The following ASTN2 variants were observed in gnomAD, a reference collection of about 807,000 sequenced individuals.
The protein encoded by ASTN2 is astrotactin-2.
A neutral mutation model predicts 139.8 loss-of-function variants in ASTN2; 54 were observed. The observed-to-expected ratio is 0.39, with a 90% CI of 0.31 to 0.48. ASTN2 has a LOEUF of 0.48. Among genes scored for constraint, ASTN2 ranks in the 20% least tolerant of loss-of-function variants. The pLI, the probability that ASTN2 is intolerant of heterozygous loss-of-function variation, is 0.95. For missense variants in ASTN2, 1,565 were observed against 1,725.1 expected (o/e 0.91, Z 1.64); for synonymous variants, 756 against 719.5 (o/e 1.05, Z -0.81).
intron 4 of ASTN2, among the ~76,000 whole-genome samples, chr9:117,099,102 G>A (rs1372960510): frequency 1.2e-4 from 14 of 118,410 alleles, no homozygotes; most frequent in South Asian, 8.5e-4. Context: ...GCGAGACTCC[G>A]TCTCCAAAAA....
chr9:116,998,680 AC>A (rs1403427462), intron 7 of ASTN2, among the ~76,000 whole-genome samples: 2 of 152,192 alleles, frequency 1.3e-5, no homozygotes, highest in African/African-American at 4.8e-5. Context: ...AAAGACCAAG[AC>A]TTTTATAATG....
In ASTN2 at chr9:116,739,440, A is replaced by T. The variant is rs558385286; in HGVS notation, c.2397-5917T>A. ...CTTTTCTGGGGCATGCTCCCATCCT[A>T]CACAAGGACCCACTTAGAATTTGCC... On this transcript the variant is annotated intron_variant, in intron 13 of 22. Coordinates refer to ENST00000313400, the MANE Select transcript of ASTN2 (RefSeq NM_001365068.1). Among the ~76,000 whole-genome samples the T allele has an allele frequency of 1.1e-4, 17 of 152,112 alleles. No homozygotes were observed. In the South Asian group the frequency reaches 3.5e-3, roughly 32 times the overall value.
At chr9:116,787,705 G>T (rs550459109) in intron 13 of ASTN2, among the ~76,000 whole-genome samples, 11 of 152,116 alleles carry the variant, frequency 7.2e-5, no homozygotes, top group Non-Finnish European at 1.2e-4. Flanking sequence ...TATTGCAATA[G>T]CCTTGAATAA....
intron 10 of ASTN2, among the ~76,000 whole-genome samples, chr9:116,940,477 T>C (rs938431438): frequency 1.3e-5 from 2 of 152,190 alleles, no homozygotes; most frequent in Non-Finnish European, 2.9e-5. Context: ...TTGATGATCC[T>C]GATTCTGTGT....
At chr9:116,878,969 G>A (rs1009587898) in intron 10 of ASTN2, among the ~76,000 whole-genome samples, 2 of 151,876 alleles carry the variant, frequency 1.3e-5, no homozygotes, top group African/African-American at 4.8e-5. Flanking sequence ...CCCTGGTTCA[G>A]GGTGTGCCCT....
chr9:116,989,586 G>GTTTTTT (rs56128640), intron 7 of ASTN2, among the ~76,000 whole-genome samples: 1 of 137,274 alleles, frequency 7.3e-6, no homozygotes, highest in Non-Finnish European at 1.5e-5. Flanking sequence ...TTATATTTGG[G>GTTTTTT]TTTTTTTTTT....
At chr9:117,091,639 G>A (rs1324778774) in intron 5 of ASTN2, among the ~76,000 whole-genome samples, 2 of 152,072 alleles carry the variant, frequency 1.3e-5, no homozygotes, top group African/African-American at 4.8e-5. Flanking sequence ...TGTGAAGGCT[G>A]TGGCAGGACA....
chr9:116,510,305 T>C (rs1016204183), intron 19 of ASTN2, among the ~76,000 whole-genome samples: 8 of 152,168 alleles, frequency 5.3e-5, no homozygotes, highest in Admixed American at 2.0e-4. Flanking sequence ...TTGTCAAAGA[T>C]CAGATGGTTG....
chr9:116,547,923 T>G (rs1317166466), intron 19 of ASTN2, among the ~76,000 whole-genome samples: 1 of 152,086 alleles, frequency 6.6e-6, no homozygotes, highest in Non-Finnish European at 1.5e-5. Flanking sequence ...GCAGGCTGTC[T>G]GAGGCAGCAG....
chr9:117,063,070 C>G (rs1021518948), intron 5 of ASTN2, among the ~76,000 whole-genome samples: 2 of 152,176 alleles, frequency 1.3e-5, no homozygotes, highest in Admixed American at 6.5e-5. Context: ...TTAAGGACAA[C>G]TTTTTCTGGA....
At chr9:116,581,458 C>T (rs1020669916) in intron 19 of ASTN2, among the ~76,000 whole-genome samples, 1 of 152,192 alleles carries the variant, frequency 6.6e-6, no homozygotes, top group African/African-American at 2.4e-5. Flanking sequence ...CAGTTTCAAG[C>T]CCACTTCTCC....
intron 16 of ASTN2, among the ~76,000 whole-genome samples, chr9:116,709,097 T>C (rs2132092521): frequency 6.6e-6 from 1 of 152,336 alleles, no homozygotes; most frequent in Middle Eastern, 3.4e-3. Flanking sequence ...GCCCTCAGCC[T>C]GTGACTCTCC....
intron 2 of ASTN2, among the ~76,000 whole-genome samples, chr9:117,275,102 C>G (rs1834154620): frequency 6.6e-6 from 1 of 152,166 alleles, no homozygotes; most frequent in African/African-American, 2.4e-5. Flanking sequence ...TCAAAGACTG[C>G]CTTTCCTCTA....
chr9:116,698,094 G>A lies in ASTN2; in HGVS notation c.2806+27677C>T. ...GCAATTCTGCCGGAGCTGTGGTTTG[G>A]TGTTATGTGAGCCCTGCCGGGAGGC... On this transcript the variant is annotated intron_variant, in intron 16 of 22. Coordinates refer to ENST00000313400, the MANE Select transcript of ASTN2 (RefSeq NM_001365068.1). This position sits in a 1 kb window ranked among gnomAD's most constrained non-coding sequence, Gnocchi z 4.4. 1.2e-6 allele frequency: 2 copies of A among 1,614,136 alleles called. No individual in the cohort carries two copies. Among genetic ancestry groups the A allele is most frequent in the Non-Finnish European group, 1.7e-6 (2 of 1,180,046 alleles).
At chr9:116,637,775 A>G (rs747135567) in intron 17 of ASTN2, among the ~76,000 whole-genome samples, 2 of 152,164 alleles carry the variant, frequency 1.3e-5, no homozygotes, top group African/African-American at 4.8e-5. Context: ...TCCCATTTCT[A>G]CAAAAAATAC....
intron 10 of ASTN2, among the ~76,000 whole-genome samples, chr9:116,868,043 G>A (rs907273311): frequency 1.3e-5 from 2 of 152,146 alleles, no homozygotes; most frequent in African/African-American, 2.4e-5. Context: ...ATGAATGGAA[G>A]AGCACTGGGG....
intron 19 of ASTN2, among the ~76,000 whole-genome samples, chr9:116,546,989 A>G (rs1308585557): frequency 6.6e-6 from 1 of 152,176 alleles, no homozygotes. Flanking sequence ...GGGTAGGAAT[A>G]ATATTATTTC....
intron 1 of ASTN2, among the ~76,000 whole-genome samples, chr9:117,305,912 T>C (rs1203956007): frequency 1.3e-5 from 2 of 152,214 alleles, no homozygotes; most frequent in Non-Finnish European, 2.9e-5. Context: ...GCAGTGAATG[T>C]TGCTACTACT....
intron 16 of ASTN2, among the ~76,000 whole-genome samples, chr9:116,690,477 C>T (rs1860511044): frequency 6.6e-6 from 1 of 152,284 alleles, no homozygotes; most frequent in South Asian, 2.1e-4. Context: ...TAGTTGGAAG[C>T]CAGAAGTTTA....
Sources: allele counts gnomAD v4.1 joint callset (sites outside exome capture counted in the v4.1 genomes callset), GRCh38; gene constraint gnomAD v4.1.1; non-coding constraint Gnocchi (gnomAD v3.1); transcripts MANE v1.5; gene names NCBI Gene and HGNC (gene_info 2026-07-23, HGNC 2026-07-21).